TOX2: variants seen among roughly 807,000 people sequenced by gnomAD.
The protein encoded by TOX2 is granulosa cell HMG box 1.
In TOX2, 15 loss-of-function variants were observed where a neutral mutation model predicts 47.4. That is an observed-to-expected ratio of 0.32 (90% CI 0.21 to 0.49). The LOEUF is 0.49. TOX2 is among the 20% of genes least tolerant of loss of function. The probability of loss-of-function intolerance (pLI) is 0.99; values close to 1 mark genes in which losing one functional copy is unlikely to be tolerated. For missense variants in TOX2, 622 were observed against 673.1 expected (o/e 0.92, Z 0.84); for synonymous variants, 290 against 296.6 (o/e 0.98, Z 0.23).
intron 2 of TOX2, among the ~76,000 whole-genome samples, chr20:43,986,002 T>C (rs2070257202): frequency 6.6e-6 from 1 of 152,194 alleles, no homozygotes. Flanking sequence ...CTTCCTCTTA[T>C]AAGTCCCCTG....
intron 1 of TOX2, among the ~76,000 whole-genome samples, chr20:43,936,241 G>T (rs1352083611): frequency 6.6e-6 from 1 of 152,192 alleles, no homozygotes; most frequent in Admixed American, 6.5e-5. Flanking sequence ...GAACTTTCCT[G>T]ATCCCAGCTG....
At chr20:43,946,455 A>G (rs1435519015) in intron 1 of TOX2, among the ~76,000 whole-genome samples, 1 of 152,166 alleles carries the variant, frequency 6.6e-6, no homozygotes, top group African/African-American at 2.4e-5. Context: ...CTGAAGAGTG[A>G]CAGGGGCCTT....
chr20:43,941,167 G>C (rs555168256), intron 1 of TOX2, among the ~76,000 whole-genome samples: 14 of 152,150 alleles, frequency 9.2e-5, no homozygotes, highest in Non-Finnish European at 1.9e-4. Flanking sequence ...TGAGGGAAGG[G>C]GGCGTGGAAG....
chr20:43,927,505 ACACAC>A (rs1186039361), intron 1 of TOX2, among the ~76,000 whole-genome samples: 1 of 136,340 alleles, frequency 7.3e-6, no homozygotes, highest in Non-Finnish European at 1.6e-5. Context: ...ACACACACAC[ACACAC>A]ATCATGAGAT....
rs1333469464 is a variant in TOX2 at position 43,952,022 on chromosome 20, G to A, written c.100-21345G>A. ...AGTGATTCTCCTGTCTCGCCCTCCC[G>A]AGTAGCTGGAACTACAGGCATGTGC... On this transcript the variant is annotated intron_variant, in intron 1 of 8. Coordinates refer to ENST00000341197, the MANE Select transcript of TOX2 (RefSeq NM_001098797.2). Among the ~76,000 whole-genome samples, 4 of 151,208 alleles carry A rather than the reference G, an allele frequency of 2.6e-5. No individual in the cohort carries two copies. The East Asian group carries it at 5.9e-4, about 22-fold the overall frequency.
intron 1 of TOX2, among the ~76,000 whole-genome samples, chr20:43,961,966 C>T (rs2069767037): frequency 6.6e-6 from 1 of 152,164 alleles, no homozygotes; most frequent in Non-Finnish European, 1.5e-5. Flanking sequence ...CGTCTGCAGC[C>T]CTCTTTGAAC....
At chr20:43,999,537 ACTC>A (rs1195825421) in intron 2 of TOX2, among the ~76,000 whole-genome samples, 1 of 152,162 alleles carries the variant, frequency 6.6e-6, no homozygotes, top group East Asian at 1.9e-4. Context: ...AAGGGGAAAA[ACTC>A]CTAAACTGAA....
At chr20:43,947,133 G>A (rs6103529) in intron 1 of TOX2, among the ~76,000 whole-genome samples, 2,804 of 152,312 alleles carry the variant, frequency 0.018, 82 homozygotes, top group African/African-American at 0.065. Context: ...GCTGGACACA[G>A]AATGTAGCTA....
chr20:44,029,606 A>G (rs900292437), intron 3 of TOX2, among the ~76,000 whole-genome samples: 1 of 152,206 alleles, frequency 6.6e-6, no homozygotes, highest in Non-Finnish European at 1.5e-5. Flanking sequence ...GTGAGTGGCA[A>G]ACCCATGTTC....
chr20:43,944,250 C>G (rs563464194), intron 1 of TOX2, among the ~76,000 whole-genome samples: 1 of 152,310 alleles, frequency 6.6e-6, no homozygotes, highest in South Asian at 2.1e-4. Flanking sequence ...TCCTGACCAT[C>G]AAGAAGCTCA....
chr20:43,950,058 C>T (rs1379360546), intron 1 of TOX2, among the ~76,000 whole-genome samples: 10 of 152,062 alleles, frequency 6.6e-5, no homozygotes, highest in Admixed American at 5.2e-4. Flanking sequence ...CGAGGATTGA[C>T]GAGATGACAT....
rs563278351 is a variant in TOX2 at position 43,949,805 on chromosome 20, A to G, written c.100-23562A>G. On this transcript the variant is annotated intron_variant, in intron 1 of 8. Transcript: ENST00000341197. Reference sequence around the variant, plus strand: ...CCCCTTCCCTGTGCCCGCTTCTGTCATTGTCCTCCCCATCAGTGCTGTGAT... The same window carrying G: ...CCCCTTCCCTGTGCCCGCTTCTGTCGTTGTCCTCCCCATCAGTGCTGTGAT... Among the ~76,000 whole-genome samples the G allele has an allele frequency of 1.6e-4, 24 of 152,174 alleles. No homozygotes were observed. The South Asian group carries it at 5.0e-3, about 32-fold the overall frequency.
At chr20:43,982,380 G>A (rs1361773882) in intron 2 of TOX2, among the ~76,000 whole-genome samples, 2 of 152,146 alleles carry the variant, frequency 1.3e-5, no homozygotes, top group Non-Finnish European at 2.9e-5. Flanking sequence ...GCACCAGAAG[G>A]ACACAACAGC....
intron 2 of TOX2, among the ~76,000 whole-genome samples, chr20:43,992,456 G>A (rs2070385792): frequency 6.6e-6 from 1 of 152,192 alleles, no homozygotes; most frequent in Admixed American, 6.5e-5. Context: ...GATTTAAAGG[G>A]AAGTCTCAGC....
At chr20:43,974,327 G>T (rs1389400423) in intron 2 of TOX2, among the ~76,000 whole-genome samples, 1 of 151,172 alleles carries the variant, frequency 6.6e-6, no homozygotes, top group Admixed American at 6.6e-5. Flanking sequence ...CACTGCAGGC[G>T]GGGGCCCCAG....
At chr20:43,996,395 A>G (rs1196031884) in intron 2 of TOX2, among the ~76,000 whole-genome samples, 5 of 152,226 alleles carry the variant, frequency 3.3e-5, no homozygotes, top group Non-Finnish European at 7.3e-5. Flanking sequence ...TATTAACGTG[A>G]CACTGGAACA....
chr20:44,014,761 C>T (rs76198473), intron 3 of TOX2, among the ~76,000 whole-genome samples: 1,759 of 152,190 alleles, frequency 0.012, 34 homozygotes, highest in African/African-American at 0.04. Context: ...ACTTTATTGA[C>T]GGGGTTGGGG....
chr20:44,050,492 A>G (rs1027716393), intron 3 of TOX2, among the ~76,000 whole-genome samples: 2 of 152,258 alleles, frequency 1.3e-5, no homozygotes, highest in Non-Finnish European at 2.9e-5. Context: ...TCGTAAGAGT[A>G]TGCAAATAGG....
At chr20:43,921,175 G>A (rs1434086120) in intron 1 of TOX2, among the ~76,000 whole-genome samples, 1 of 152,242 alleles carries the variant, frequency 6.6e-6, no homozygotes, top group East Asian at 1.9e-4. Context: ...GACAGAGCCT[G>A]GCACACAGAG....
Sources: allele counts gnomAD v4.1 joint callset (sites outside exome capture counted in the v4.1 genomes callset), GRCh38; gene constraint gnomAD v4.1.1; transcripts MANE v1.5; gene names NCBI Gene and HGNC (gene_info 2026-07-23, HGNC 2026-07-21).